Variants in DLC1 observed in about 807,000 individuals in gnomAD.
The protein encoded by DLC1 is DLC1 Rho GTPase activating protein, also known as rho GTPase-activating protein 7.
A neutral mutation model predicts 140.3 loss-of-function variants in DLC1; 54 were observed. That is an observed-to-expected ratio of 0.38 (90% CI 0.31 to 0.48). The LOEUF is 0.48. Among genes scored for constraint, DLC1 ranks in the 20% least tolerant of loss-of-function variants. DLC1 has a pLI of 0.96. For synonymous variants in DLC1, 986 were observed against 728.1 expected, an observed-to-expected ratio of 1.35 and a Z score of -5.70; for missense variants, 2,536 against 1,907.0, an observed-to-expected ratio of 1.33 and a Z score of -6.14.
intron 2 of DLC1, among the ~76,000 whole-genome samples, chr8:13,415,481 G>T (rs1054967561): frequency 6.6e-6 from 1 of 150,680 alleles, no homozygotes; most frequent in African/African-American, 2.4e-5. Context: ...CTCACTGCAA[G>T]CTCCACCTCC....
At chr8:13,283,295 C>T (rs1284270920) in intron 5 of DLC1, among the ~76,000 whole-genome samples, 1 of 124,854 alleles carries the variant, frequency 8.0e-6, no homozygotes, top group Non-Finnish European at 1.8e-5. Context: ...CCTACTGAAA[C>T]ACACACACAC....
chr8:13,586,129 G>A (rs1481430925), intron 1 of DLC1, among the ~76,000 whole-genome samples: 2 of 152,208 alleles, frequency 1.3e-5, no homozygotes, highest in African/African-American at 4.8e-5. Context: ...AATTGTCCTA[G>A]GATAGAGATC....
rs181934472 is a variant in DLC1, at chr8:13,346,342, T to C, written c.1315-41040A>G. Among the ~76,000 whole-genome samples the C allele has an allele frequency of 2.6e-3, 390 of 152,330 alleles. 2 individuals are homozygous for C. Among genetic ancestry groups the C allele is most frequent in the African/African-American group, 9.1e-3 (379 of 41,572 alleles). ...GCTAATTTGGAGGGAAAAACATTTG[T>C]TCATAATTGTAGTCTAATATTTTCC... On this transcript the variant is annotated intron_variant, in intron 4 of 17. Coordinates refer to ENST00000276297, the MANE Select transcript of DLC1 (RefSeq NM_182643.3).
At chr8:13,390,982 C>T (rs1343934723) in intron 4 of DLC1, among the ~76,000 whole-genome samples, 2 of 76,644 alleles carry the variant, frequency 2.6e-5, no homozygotes, top group Non-Finnish European at 5.5e-5. Flanking sequence ...GAGACTCCGT[C>T]TCAAAAAAAA....
At chr8:13,506,556 C>G (rs1183565920) in intron 1 of DLC1, among the ~76,000 whole-genome samples, 5 of 84,758 alleles carry the variant, frequency 5.9e-5, no homozygotes, top group East Asian at 3.9e-4. Context: ...CACACACACA[C>G]ACACACACAC....
At chr8:13,560,770 G>T (rs116483103) in intron 1 of DLC1, among the ~76,000 whole-genome samples, 1,572 of 152,120 alleles carry the variant, frequency 0.01, 29 homozygotes, top group African/African-American at 0.035. Flanking sequence ...GTCCCTGTGG[G>T]GGGGGAGGGA....
intron 5 of DLC1, among the ~76,000 whole-genome samples, chr8:13,190,009 C>T (rs1204727757): frequency 6.6e-6 from 1 of 152,110 alleles, no homozygotes; most frequent in East Asian, 1.9e-4. Flanking sequence ...ATGATGAAGC[C>T]ATCATTGTAA....
chr8:13,348,118 C>CAAAA (rs1308468829), intron 4 of DLC1, among the ~76,000 whole-genome samples: 33 of 151,854 alleles, frequency 2.2e-4, no homozygotes, highest in African/African-American at 7.7e-4. Context: ...AATAAACAAA[C>CAAAA]AAACTTCCTG....
intron 1 of DLC1, among the ~76,000 whole-genome samples, chr8:13,565,505 A>G (rs981375641): frequency 1.3e-5 from 2 of 152,222 alleles, no homozygotes; most frequent in African/African-American, 4.8e-5. Context: ...AAAGACTACC[A>G]TTATATGATA....
At chr8:13,273,603 T>C (rs1831039502) in intron 5 of DLC1, among the ~76,000 whole-genome samples, 1 of 152,040 alleles carries the variant, frequency 6.6e-6, no homozygotes, top group African/African-American at 2.4e-5. Context: ...AGGCTCCCTG[T>C]TTCGTGTAGA....
intron 1 of DLC1, among the ~76,000 whole-genome samples, chr8:13,539,796 G>T (rs1011620829): frequency 6.6e-6 from 1 of 151,464 alleles, no homozygotes; most frequent in African/African-American, 2.4e-5. Flanking sequence ...TAGTTTGAAT[G>T]TTGAGAAAAT....
rs1215362696 is a variant in DLC1 at position 13,464,750 on chromosome 8, A to T, written c.1023+34299T>A. ...TAAAAAATATAGAATTTTAAATTAT[A>T]TATATATATATATATTTATATATAT... On this transcript the variant is annotated intron_variant, in intron 2 of 17. Coordinates refer to ENST00000276297, the MANE Select transcript of DLC1 (RefSeq NM_182643.3). Among the ~76,000 whole-genome samples, 34 of 60,754 alleles carry T rather than the reference A, an allele frequency of 5.6e-4. 1 individual carries two copies. The South Asian group carries it at 0.01, about 19-fold the overall frequency. The allele number at this position is 60,754 out of a possible 152,430, so 39.9% of individuals were successfully genotyped here.
intron 4 of DLC1, among the ~76,000 whole-genome samples, chr8:13,339,146 C>A (rs751164961): frequency 6.6e-6 from 1 of 152,044 alleles, no homozygotes; most frequent in Non-Finnish European, 1.5e-5. Flanking sequence ...ATTATGCAAA[C>A]CAAACTACTT....
intron 5 of DLC1, among the ~76,000 whole-genome samples, chr8:13,155,080 C>T (rs531431530): frequency 6.0e-4 from 91 of 151,506 alleles, no homozygotes; most frequent in African/African-American, 2.0e-3. Flanking sequence ...TGTATTTAAA[C>T]ACACCCTTTT....
At chr8:13,200,024 C>G (rs1050726287) in intron 5 of DLC1, among the ~76,000 whole-genome samples, 1 of 152,146 alleles carries the variant, frequency 6.6e-6, no homozygotes, top group Non-Finnish European at 1.5e-5. Context: ...ATCCTCATAA[C>G]AACCCTATAA....
At chr8:13,418,390 T>C (rs927540997) in intron 2 of DLC1, among the ~76,000 whole-genome samples, 11 of 152,226 alleles carry the variant, frequency 7.2e-5, no homozygotes, top group African/African-American at 2.4e-4. Flanking sequence ...TTAATTTTTG[T>C]ATAAGGTGTA....
chr8:13,516,648 C>T (rs557009674), upstream of DLC1, among the ~76,000 whole-genome samples: 4 of 152,204 alleles, frequency 2.6e-5, no homozygotes, highest in African/African-American at 9.6e-5. Context: ...AGATCAAAGT[C>T]TTATTGACTA....
chr8:13,398,439 G>C (rs963215701), intron 3 of DLC1, among the ~76,000 whole-genome samples: 1 of 151,902 alleles, frequency 6.6e-6, no homozygotes, highest in African/African-American at 2.4e-5. Context: ...AGAAAGGATG[G>C]GGAGAAATGA....
At chr8:13,552,528 C>T (rs549257914) in intron 1 of DLC1, among the ~76,000 whole-genome samples, 58 of 151,206 alleles carry the variant, frequency 3.8e-4, no homozygotes, top group Non-Finnish European at 7.1e-4. Flanking sequence ...CAGCTGTAAC[C>T]TTAAAAACAT....
Sources: gnomAD v4.1 joint callset for allele counts (sites outside exome capture counted in the v4.1 genomes callset) on GRCh38, gnomAD v4.1.1 for gene constraint, MANE v1.5 for transcripts, NCBI Gene and HGNC (gene_info 2026-07-23, HGNC 2026-07-21) for gene names.